Variants in MAF observed in about 807,000 individuals in gnomAD.
The protein encoded by MAF is transcription factor Maf.
In MAF, 10 loss-of-function variants were observed where a neutral mutation model predicts 22.0. That is an observed-to-expected ratio of 0.45 (90% CI 0.28 to 0.77). The LOEUF (loss-of-function observed/expected upper bound fraction) is 0.77. Among genes scored for constraint, MAF ranks in the 30% least tolerant of loss-of-function variants. The probability of loss-of-function intolerance (pLI) is 0.12; values close to 1 mark genes in which losing one functional copy is unlikely to be tolerated. For synonymous variants in MAF, 337 were observed against 255.8 expected, an observed-to-expected ratio of 1.32 and a Z score of -3.03; for missense variants, 544 against 548.4, an observed-to-expected ratio of 0.99 and a Z score of 0.08.
chr16:79,365,568 C>T, the MAF span, among the ~76,000 whole-genome samples: 1 of 127,470 alleles, frequency 7.8e-6, no homozygotes, highest in African/African-American at 3.4e-5. Context: ...ATTGGCCTTG[C>T]AAGTTTGTGT....
At chr16:79,499,267 T>C in the MAF span, among the ~76,000 whole-genome samples, 1 of 152,124 alleles carries the variant, frequency 6.6e-6, no homozygotes, top group Admixed American at 6.5e-5. Context: ...GTTGGATCTG[T>C]TCCTTTTGGG....
the MAF span, among the ~76,000 whole-genome samples, chr16:79,355,626 T>G: frequency 6.6e-6 from 1 of 152,182 alleles, no homozygotes; most frequent in Non-Finnish European, 1.5e-5. Flanking sequence ...AAGCATACAG[T>G]AGGGACTCAA....
the MAF span, chr16:79,204,938 C>G: frequency 6.6e-6 from 1 of 152,210 alleles, no homozygotes. Flanking sequence ...TCGAGTCCAC[C>G]TCTTAAAACT....
chr16:79,494,171 A>G, the MAF span, among the ~76,000 whole-genome samples: 1 of 152,226 alleles, frequency 6.6e-6, no homozygotes, highest in African/African-American at 2.4e-5. Context: ...AAAGCAACAC[A>G]GATTTATTAT....
At chr16:79,549,630 C>T in the MAF span, among the ~76,000 whole-genome samples, 1 of 152,158 alleles carries the variant, frequency 6.6e-6, no homozygotes, top group African/African-American at 2.4e-5. Flanking sequence ...TTCGGATAGA[C>T]ACTCACTTGA....
the MAF span, among the ~76,000 whole-genome samples, chr16:79,366,778 CA>C: frequency 1.3e-5 from 2 of 152,196 alleles, no homozygotes; most frequent in East Asian, 3.8e-4. Context: ...GATCCATGAT[CA>C]GAGCAAGAAA....
At chr16:79,290,029 G>C in the MAF span, among the ~76,000 whole-genome samples, 1 of 151,840 alleles carries the variant, frequency 6.6e-6, no homozygotes, top group South Asian at 2.1e-4. Context: ...ACTAATTTTT[G>C]TATTTTTAGT....
chr16:79,267,987 A>G, the MAF span, among the ~76,000 whole-genome samples: 25 of 152,070 alleles, frequency 1.6e-4, no homozygotes, highest in African/African-American at 5.8e-4. Flanking sequence ...ACTTAATCAC[A>G]CCTCAGTTAC....
chr16:79,566,613 G>C, the MAF span, among the ~76,000 whole-genome samples: 1 of 152,208 alleles, frequency 6.6e-6, no homozygotes, highest in Non-Finnish European at 1.5e-5. Flanking sequence ...CACAAGTGTG[G>C]ATCTTGGGGG....
the MAF span, among the ~76,000 whole-genome samples, chr16:79,407,504 T>G: frequency 3.9e-5 from 6 of 152,240 alleles, no homozygotes; most frequent in African/African-American, 1.4e-4. Context: ...TGTTTTGTAG[T>G]GGGGGTGAAG....
the MAF span, among the ~76,000 whole-genome samples, chr16:79,544,514 C>T: frequency 6.6e-6 from 1 of 152,060 alleles, no homozygotes; most frequent in African/African-American, 2.4e-5. Flanking sequence ...GTGGCTCATG[C>T]CTGTAACCCC....
the MAF span, among the ~76,000 whole-genome samples, chr16:79,237,513 C>T: frequency 1.3e-5 from 2 of 152,040 alleles, no homozygotes; most frequent in African/African-American, 4.8e-5. Flanking sequence ...TTCTCACTTC[C>T]CATGGTTCTT....
At chr16:79,342,420 C>T in the MAF span, among the ~76,000 whole-genome samples, 1 of 152,188 alleles carries the variant, frequency 6.6e-6, no homozygotes, top group African/African-American at 2.4e-5. Flanking sequence ...TCTTGGACCC[C>T]CACTTTTTAA....
At chr16:79,594,941 CA>C in intron 1 of MAF, 1 of 1,115,170 alleles carries the variant, frequency 9.0e-7, no homozygotes, top group Non-Finnish European at 1.1e-6. Flanking sequence ...TAATTCTACA[CA>C]ACTATATTTT....
chr16:79,557,470 A>C, the MAF span, among the ~76,000 whole-genome samples: 16 of 152,078 alleles, frequency 1.1e-4, 1 homozygote, highest in African/African-American at 3.4e-4. Flanking sequence ...TGCAGAGCAC[A>C]AAGAAACTAA....
the MAF span, among the ~76,000 whole-genome samples, chr16:79,241,142 G>T: frequency 1.8e-4 from 28 of 152,170 alleles, no homozygotes; most frequent in Non-Finnish European, 3.5e-4. Context: ...CTCCTCCAAA[G>T]GATCACAACT....
At chr16:79,250,622 G>T in the MAF span, among the ~76,000 whole-genome samples, 18,656 of 152,170 alleles carry the variant, frequency 0.12, 1,415 homozygotes, top group Middle Eastern at 0.19. Flanking sequence ...CAGTGAAAGC[G>T]CATAATTCAA....
chr16:79,333,392 T>C, the MAF span, among the ~76,000 whole-genome samples: 1 of 151,916 alleles, frequency 6.6e-6, no homozygotes, highest in South Asian at 2.1e-4. Flanking sequence ...CAGGGGAGAG[T>C]TCTGTAAAAA....
the MAF span, chr16:79,212,194 C>T: frequency 6.8e-7 from 1 of 1,462,366 alleles, no homozygotes; most frequent in Non-Finnish European, 9.0e-7. Context: ...GGCTGGCCTT[C>T]TCCTACTTAG....
Sources: gnomAD v4.1 joint callset for allele counts (sites outside exome capture counted in the v4.1 genomes callset) on GRCh38, gnomAD v4.1.1 for gene constraint, MANE v1.5 for transcripts, NCBI Gene and HGNC (gene_info 2026-07-23, HGNC 2026-07-21) for gene names.